FGFR2: variants seen among roughly 807,000 people sequenced by gnomAD.
FGFR2 encodes the protein fibroblast growth factor receptor 2, also known as BEK fibroblast growth factor receptor.
FGFR2 carries 19 observed loss-of-function variants against 95.9 expected under a neutral mutation model. The observed-to-expected ratio is 0.20, with a 90% CI of 0.14 to 0.29. The LOEUF (loss-of-function observed/expected upper bound fraction) is 0.29, where lower values mean the gene tolerates loss of function less well. Ranked by LOEUF, FGFR2 falls within the 10% of genes least tolerant of loss-of-function variation. The pLI is 1.00. For missense variants in FGFR2, 707 were observed against 1,056.9 expected (o/e 0.67, Z 4.59); for synonymous variants, 392 against 393.3 (o/e 1.00, Z 0.04).
chr10:121,500,953 T>C lies in FGFR2; in HGVS notation c.1440-6A>G, dbSNP rs2134013964. ...GGGGCTTGCCCAGTGTCAGCCTAAA[T>C]GTGTAAATAGGGGATTAGCACATAG... On this transcript the variant is annotated splice_region_variant and splice_polypyrimidine_tract_variant and intron_variant, in intron 10 of 17. Coordinates refer to ENST00000358487, the MANE Select transcript of FGFR2 (RefSeq NM_000141.5). 1.9e-6 allele frequency: 3 copies of C among 1,613,974 alleles called. No individual in the cohort carries two copies. Among genetic ancestry groups the C allele is most frequent in the Non-Finnish European group, 2.5e-6 (3 of 1,180,024 alleles).
At position 121,482,293 on chromosome 10, in the gene FGFR2, C is replaced by T. The variant is rs71484672; in HGVS notation, c.2301+1405G>A. 8,398 of 832,036 alleles carry T rather than the reference C, an allele frequency of 0.01. 61 individuals are homozygous for T. Among genetic ancestry groups the T allele is most frequent in the Non-Finnish European group, 0.013 (6,796 of 516,194 alleles). The allele number at this position is 832,036 out of a possible 1,614,324, so 51.5% of individuals were successfully genotyped here. Reference sequence around the variant, plus strand: ...AGTTGGTTTCTTCCCCCCCTTGAACCGTTCCTTTCCTTTCAACTTCTGAAG... The same window carrying T: ...AGTTGGTTTCTTCCCCCCCTTGAACTGTTCCTTTCCTTTCAACTTCTGAAG... On this transcript the variant is annotated intron_variant, in intron 17 of 17. Coordinates refer to ENST00000358487, the MANE Select transcript of FGFR2 (RefSeq NM_000141.5).
chr10:121,507,458 A>AG (rs1297111746), intron 9 of FGFR2, among the ~76,000 whole-genome samples: 1 of 152,122 alleles, frequency 6.6e-6, no homozygotes, highest in Non-Finnish European at 1.5e-5. Flanking sequence ...CATGGTGGTG[A>AG]GTGCCTGTAA....
chr10:121,571,324 G>C (rs548974483), intron 2 of FGFR2, among the ~76,000 whole-genome samples: 74 of 87,626 alleles, frequency 8.4e-4, no homozygotes, highest in African/African-American at 3.5e-3. Context: ...TTTTTGAGAC[G>C]GAGTCTCGCT....
At chr10:121,503,530 C>T (rs2134047108) in intron 10 of FGFR2, among the ~76,000 whole-genome samples, 1 of 152,214 alleles carries the variant, frequency 6.6e-6, no homozygotes, top group South Asian at 2.1e-4. Flanking sequence ...TGCCCAGACA[C>T]TTAAAAAATG....
intron 9 of FGFR2, among the ~76,000 whole-genome samples, chr10:121,512,314 C>T (rs1849154329): frequency 1.3e-5 from 2 of 152,154 alleles, no homozygotes; most frequent in Admixed American, 6.5e-5. Context: ...TCTTTCTCTA[C>T]CAAAGGGGCC....
chr10:121,553,733 G>A (rs1564977034), intron 4 of FGFR2, among the ~76,000 whole-genome samples: 1 of 152,180 alleles, frequency 6.6e-6, no homozygotes, highest in Non-Finnish European at 1.5e-5. Context: ...CCTGTGGAAT[G>A]TCTTTTCTTT....
At chr10:121,586,684 A>C (rs929235322) in intron 2 of FGFR2, among the ~76,000 whole-genome samples, 3 of 152,234 alleles carry the variant, frequency 2.0e-5, no homozygotes, top group Admixed American at 2.0e-4. Context: ...ACACTCTTCA[A>C]GGATGGCCAT....
intron 6 of FGFR2, chr10:121,527,649 CA>C (rs1851558120): frequency 6.6e-6 from 1 of 152,006 alleles, no homozygotes; most frequent in Non-Finnish European, 1.5e-5. Flanking sequence ...TGAACAAGAT[CA>C]ATTTCTAGGG....
chr10:121,586,341 T>C (rs987808077), intron 2 of FGFR2, among the ~76,000 whole-genome samples: 24 of 152,240 alleles, frequency 1.6e-4, no homozygotes, highest in Non-Finnish European at 2.9e-5. Flanking sequence ...AAGCTATTTT[T>C]AGCCTCCTCA....
intron 2 of FGFR2, among the ~76,000 whole-genome samples, chr10:121,567,971 C>T (rs546977204): frequency 2.0e-5 from 3 of 152,080 alleles, no homozygotes; most frequent in African/African-American, 4.8e-5. Flanking sequence ...AAGGACAAAG[C>T]GAAGTTTAAA....
chr10:121,573,591 A>AAGGAAGGGAGAGAAACAG (rs1859200112), intron 2 of FGFR2, among the ~76,000 whole-genome samples: 1 of 152,046 alleles, frequency 6.6e-6, no homozygotes, highest in Non-Finnish European at 1.5e-5. Flanking sequence ...AGACAAGGAA[A>AAGGAAGGGAGAGAAACAG]AGGAAGGGAG....
At chr10:121,567,284 T>C (rs1241861080) in intron 2 of FGFR2, among the ~76,000 whole-genome samples, 1 of 152,052 alleles carries the variant, frequency 6.6e-6, no homozygotes, top group Non-Finnish European at 1.5e-5. Context: ...CAAGGGGGCA[T>C]CACCAAAGGC....
intron 9 of FGFR2, among the ~76,000 whole-genome samples, chr10:121,508,424 G>A (rs1260970518): frequency 6.6e-6 from 1 of 152,086 alleles, no homozygotes; most frequent in Non-Finnish European, 1.5e-5. Flanking sequence ...CCTCAGAAGA[G>A]AAAAATTTAA....
At chr10:121,532,684 A>G (rs1852249933) in intron 6 of FGFR2, among the ~76,000 whole-genome samples, 1 of 152,162 alleles carries the variant, frequency 6.6e-6, no homozygotes, top group Non-Finnish European at 1.5e-5. Flanking sequence ...CAAGCAGTCA[A>G]CAATTTCAGC....
Position 121,517,549 on chromosome 10 carries a change from G to A in FGFR2, c.940-86C>T, listed in dbSNP as rs550080447. 53 of 1,484,362 alleles carry A rather than the reference G, an allele frequency of 3.6e-5. No homozygotes were observed. Among genetic ancestry groups the A allele is most frequent in the Middle Eastern group, 1.7e-4 (1 of 5,816 alleles). 91.9% of individuals were successfully genotyped at this position (1,484,362 alleles called of 1,614,324 possible). ...CTGTGGAACCACAAGGCGTCGCACC[G>A]GGGGCTTCAGGGGGTGCTGGCCACT... On this transcript the variant is annotated intron_variant, in intron 7 of 17. Transcript: ENST00000358487. The surrounding 1 kb of genome is among the most constrained non-coding windows in gnomAD (Gnocchi z 4.7).
At chr10:121,514,611 C>T (rs977392509) in intron 9 of FGFR2, among the ~76,000 whole-genome samples, 1 of 152,176 alleles carries the variant, frequency 6.6e-6, no homozygotes, top group Admixed American at 6.5e-5. Context: ...AGTTATTGTG[C>T]AACAGTTTAA....
intron 5 of FGFR2, among the ~76,000 whole-genome samples, chr10:121,539,070 C>T (rs114120309): frequency 6.5e-4 from 99 of 152,338 alleles, no homozygotes; most frequent in African/African-American, 2.3e-3. Context: ...AGGCGAGCTA[C>T]CAGTTTGCCC....
chr10:121,490,915 T>A (rs866667441), intron 13 of FGFR2, among the ~76,000 whole-genome samples: 3 of 151,986 alleles, frequency 2.0e-5, no homozygotes, highest in Non-Finnish European at 4.4e-5. Context: ...CCTGGCCAGG[T>A]TGGAAGCAGG....
rs1324769001 is a variant in FGFR2 at position 121,565,516 on chromosome 10, T to C, written c.298A>G (p.Arg100Gly). 4 of 1,614,216 alleles carry C rather than the reference T, an allele frequency of 2.5e-6. No individual in the cohort carries two copies. The highest frequency in any genetic ancestry group is 2.5e-6 in the Non-Finnish European group (3 of 1,180,040). The change falls in exon 3 of 18, where the codon AGA (arginine) becomes GGA (glycine). Residue 100 changes from arginine to glycine, a missense_variant. Physicochemically the swap from Arg to Gly is moderately radical, Grantham distance 125. Transcript: ENST00000358487. The stretch of plus-strand genomic sequence containing the variant: ...GTACAAGCATAGAGGCCGGAGTCTC[T>C]AGGCGTGGCGCCCTTTATCTGCAAG... ...EYLQIKGATP[R>G]DSGLYACTAS... is the part of the protein sequence containing the mutation.
Sources: allele counts gnomAD v4.1 joint callset (sites outside exome capture counted in the v4.1 genomes callset), GRCh38; gene constraint gnomAD v4.1.1; non-coding constraint Gnocchi (gnomAD v3.1); transcripts MANE v1.5; gene names NCBI Gene and HGNC (gene_info 2026-07-23, HGNC 2026-07-21).